Variants in CLASP2 observed in about 807,000 individuals in gnomAD.
The protein encoded by CLASP2 is CLIP-associating protein 2.
A neutral mutation model predicts 194.4 loss-of-function variants in CLASP2; 47 were observed. That is an observed-to-expected ratio of 0.24 (90% CI 0.19 to 0.31). The LOEUF (loss-of-function observed/expected upper bound fraction) is 0.31, where lower values mean the gene tolerates loss of function less well. CLASP2 is among the 10% of genes least tolerant of loss of function. The probability of loss-of-function intolerance (pLI) is 1.00; values close to 1 mark genes in which losing one functional copy is unlikely to be tolerated. For missense variants in CLASP2, 1,445 were observed against 1,823.6 expected (o/e 0.79, Z 3.78); for synonymous variants, 619 against 633.5 (o/e 0.98, Z 0.34).
At chr3:33,555,542 AT>A (rs1254827019) in intron 29 of CLASP2, among the ~76,000 whole-genome samples, 1 of 151,874 alleles carries the variant, frequency 6.6e-6, no homozygotes, top group South Asian at 2.1e-4. Flanking sequence ...ATTAAAAAAA[AT>A]TTTTTGTAGA....
chr3:33,589,305 A>C (rs2068131954), intron 21 of CLASP2, among the ~76,000 whole-genome samples: 2 of 152,064 alleles, frequency 1.3e-5, no homozygotes, highest in African/African-American at 4.8e-5. Flanking sequence ...CTCTCCATTG[A>C]GTCTCCATTT....
At chr3:33,561,482 T>C (rs569481507) in intron 27 of CLASP2, among the ~76,000 whole-genome samples, 33 of 152,334 alleles carry the variant, frequency 2.2e-4, no homozygotes, top group South Asian at 1.7e-3. Context: ...GTATGGGATG[T>C]ATTATTTATT....
At chr3:33,650,230 T>G (rs527689356) in intron 7 of CLASP2, among the ~76,000 whole-genome samples, 1 of 152,338 alleles carries the variant, frequency 6.6e-6, no homozygotes, top group East Asian at 1.9e-4. Flanking sequence ...TCAGTGGGCA[T>G]GCATAACAGT....
chr3:33,705,776 A>C (rs945041283), intron 1 of CLASP2, among the ~76,000 whole-genome samples: 4 of 152,220 alleles, frequency 2.6e-5, no homozygotes, highest in Non-Finnish European at 5.9e-5. Flanking sequence ...AGATTCAGTA[A>C]ACCATGGTGT....
chr3:33,592,707 G>A (rs749807624), intron 20 of CLASP2: 2 of 607,354 alleles, frequency 3.3e-6, no homozygotes, highest in Non-Finnish European at 5.9e-6. Context: ...AGGATAAGAA[G>A]AATCAAACTA....
intron 2 of CLASP2, among the ~76,000 whole-genome samples, chr3:33,696,057 C>CT (rs1432554823): frequency 6.6e-6 from 1 of 152,124 alleles, no homozygotes; most frequent in African/African-American, 2.4e-5. Context: ...AATCTACAGA[C>CT]TGTCTATGAT....
At chr3:33,615,999 A>G (rs2076091883) in intron 12 of CLASP2, among the ~76,000 whole-genome samples, 1 of 152,046 alleles carries the variant, frequency 6.6e-6, no homozygotes, top group South Asian at 2.1e-4. Context: ...GTCTAAAGAT[A>G]TACCACAAAA....
chr3:33,656,000 G>GCT lies in CLASP2; in HGVS notation c.715+7443_715+7444dup, dbSNP rs1422849439. 1.2e-4 allele frequency among the ~76,000 whole-genome samples: 18 copies of GCT among 152,122 alleles called. 1 individual carries two copies. Among genetic ancestry groups the GCT allele is most frequent in the Admixed American group, 1.3e-4 (2 of 15,268 alleles). ...CCCGCTTTTTGAGGCAGACTGCAGG[G>GCT]CTCAGCACCACATAATAATCCTACA... On this transcript the variant is annotated intron_variant, in intron 7 of 38. Coordinates refer to ENST00000682230, the MANE Select transcript of CLASP2 (RefSeq NM_001365631.1).
chr3:33,698,608 C>G (rs1181172333), intron 1 of CLASP2, among the ~76,000 whole-genome samples: 1 of 151,998 alleles, frequency 6.6e-6, no homozygotes, highest in African/African-American at 2.4e-5. Flanking sequence ...TGAGGAAAAC[C>G]CTTCATAAAA....
At chr3:33,660,074 C>A (rs956715939) in intron 7 of CLASP2, among the ~76,000 whole-genome samples, 2 of 152,150 alleles carry the variant, frequency 1.3e-5, no homozygotes. Flanking sequence ...TGCATTAGGT[C>A]CTAAACACAC....
At chr3:33,581,065 A>C (rs976569550) in intron 23 of CLASP2, among the ~76,000 whole-genome samples, 1 of 151,868 alleles carries the variant, frequency 6.6e-6, no homozygotes, top group Non-Finnish European at 1.5e-5. Context: ...GAAGAAAAAA[A>C]ATCTAAAATG....
intron 23 of CLASP2, among the ~76,000 whole-genome samples, chr3:33,581,405 A>G (rs1368991916): frequency 6.6e-6 from 1 of 152,240 alleles, no homozygotes; most frequent in Non-Finnish European, 1.5e-5. Context: ...TCTTTTTAGT[A>G]ACCTAAGTTA....
chr3:33,565,642 G>A (rs1242015103), intron 27 of CLASP2, among the ~76,000 whole-genome samples: 2 of 151,444 alleles, frequency 1.3e-5, no homozygotes, highest in African/African-American at 2.4e-5. Flanking sequence ...GAGAAACCCC[G>A]TCTCTACTAA....
At chr3:33,612,993 C>T (rs905521819) in intron 12 of CLASP2, among the ~76,000 whole-genome samples, 1 of 152,020 alleles carries the variant, frequency 6.6e-6, no homozygotes, top group African/African-American at 2.4e-5. Context: ...TGGTTAACAA[C>T]AATCTATTGT....
intron 7 of CLASP2, among the ~76,000 whole-genome samples, chr3:33,656,818 T>C (rs967363325): frequency 6.6e-6 from 1 of 152,100 alleles, no homozygotes; most frequent in Non-Finnish European, 1.5e-5. Context: ...CACGATAGTA[T>C]TTTTTTAAAA....
At chr3:33,671,216 TA>T (rs1344185969) in intron 6 of CLASP2, among the ~76,000 whole-genome samples, 1 of 152,172 alleles carries the variant, frequency 6.6e-6, no homozygotes, top group Non-Finnish European at 1.5e-5. Flanking sequence ...AGAGGCTCAC[TA>T]AAAGAGACCT....
intron 34 of CLASP2, among the ~76,000 whole-genome samples, chr3:33,519,292 TA>T (rs1363798871): frequency 6.6e-6 from 1 of 152,188 alleles, no homozygotes; most frequent in African/African-American, 2.4e-5. Context: ...TAGTTCCTAG[TA>T]AACTTTACAA....
intron 34 of CLASP2, among the ~76,000 whole-genome samples, chr3:33,530,778 G>A (rs981458560): frequency 1.3e-5 from 2 of 152,118 alleles, no homozygotes; most frequent in African/African-American, 4.8e-5. Context: ...TAACCAAGGT[G>A]AAAGACTTGT....
intron 10 of CLASP2, among the ~76,000 whole-genome samples, chr3:33,626,071 TGAA>T (rs1373596542): frequency 6.6e-6 from 1 of 152,092 alleles, no homozygotes; most frequent in Non-Finnish European, 1.5e-5. Context: ...ATCTCAGAAT[TGAA>T]GAATAGGAGC....
Sources: gnomAD v4.1 joint callset for allele counts (sites outside exome capture counted in the v4.1 genomes callset) on GRCh38, gnomAD v4.1.1 for gene constraint, MANE v1.5 for transcripts, NCBI Gene and HGNC (gene_info 2026-07-23, HGNC 2026-07-21) for gene names.